The following CEP112 variants were observed in gnomAD, a reference collection of about 807,000 sequenced individuals.
CEP112 encodes the protein centrosomal protein of 112 kDa.
CEP112 carries 127 observed loss-of-function variants against 153.0 expected under a neutral mutation model. The ratio of observed to expected loss-of-function variants is 0.83; its 90% CI spans 0.72 to 0.96. The LOEUF (loss-of-function observed/expected upper bound fraction) is 0.96. CEP112 is among the 40% of genes least tolerant of loss of function. The pLI is 0.00. For missense variants in CEP112, 1,089 were observed against 1,101.2 expected, an observed-to-expected ratio of 0.99 and a Z score of 0.16; for synonymous variants, 358 against 374.4, an observed-to-expected ratio of 0.96 and a Z score of 0.51.
intron 23 of CEP112, among the ~76,000 whole-genome samples, chr17:65,725,203 T>C (rs1020788306): frequency 2.0e-5 from 3 of 152,206 alleles, no homozygotes; most frequent in African/African-American, 7.2e-5. Flanking sequence ...GGTGGGGATA[T>C]GGGGTCCCTA....
At chr17:66,141,792 A>T (rs1165298511) in intron 4 of CEP112, among the ~76,000 whole-genome samples, 1 of 152,218 alleles carries the variant, frequency 6.6e-6, no homozygotes, top group Non-Finnish European at 1.5e-5. Flanking sequence ...GTAGATGAAC[A>T]TATAGGTTGT....
chr17:65,829,632 C>T (rs567801417), intron 21 of CEP112, among the ~76,000 whole-genome samples: 5 of 152,116 alleles, frequency 3.3e-5, no homozygotes, highest in African/African-American at 1.2e-4. Flanking sequence ...ATCAGAAAGG[C>T]TGCTTGGAAT....
intron 8 of CEP112, among the ~76,000 whole-genome samples, chr17:66,090,865 C>T (rs533826017): frequency 3.7e-4 from 56 of 151,898 alleles, no homozygotes; most frequent in African/African-American, 1.1e-3. Flanking sequence ...CTCATGCAAA[C>T]GGAAATGGAA....
At chr17:66,190,135 G>A (rs1427712458) in intron 1 of CEP112, among the ~76,000 whole-genome samples, 8 of 151,818 alleles carry the variant, frequency 5.3e-5, no homozygotes, top group African/African-American at 1.7e-4. Flanking sequence ...TTCGAGACAA[G>A]CCTGGCCAAT....
intron 5 of CEP112, 23 bp downstream of exon 5, chr17:66,132,647 A>G: frequency 1.3e-6 from 2 of 1,560,184 alleles, no homozygotes; most frequent in Non-Finnish European, 1.8e-6. Context: ...CAAAAACCAA[A>G]CAAAAGTAAA....
At chr17:65,819,725 C>A (rs147474996) in intron 21 of CEP112, among the ~76,000 whole-genome samples, 5 of 151,994 alleles carry the variant, frequency 3.3e-5, no homozygotes, top group Non-Finnish European at 7.4e-5. Context: ...TCAATCTAAT[C>A]ATAAACAAAG....
intron 20 of CEP112, among the ~76,000 whole-genome samples, chr17:65,892,397 A>C (rs1183130285): frequency 6.6e-6 from 1 of 152,182 alleles, no homozygotes; most frequent in Non-Finnish European, 1.5e-5. Flanking sequence ...AAACAATGAG[A>C]TCTCAAAAAG....
intron 12 of CEP112, among the ~76,000 whole-genome samples, chr17:66,032,368 A>G (rs1005715534): frequency 7.1e-6 from 1 of 140,262 alleles, no homozygotes; most frequent in Non-Finnish European, 1.6e-5. Context: ...AAAAAAAAAA[A>G]CTCAGAAAAG....
intron 18 of CEP112, among the ~76,000 whole-genome samples, chr17:65,933,862 C>A (rs2061213660): frequency 6.6e-6 from 1 of 152,256 alleles, no homozygotes; most frequent in Non-Finnish European, 1.5e-5. Flanking sequence ...GCTTAAAAAA[C>A]AAAACTTTTA....
intron 8 of CEP112, among the ~76,000 whole-genome samples, chr17:66,094,501 A>G (rs1291738323): frequency 6.6e-6 from 1 of 152,216 alleles, no homozygotes; most frequent in Admixed American, 6.5e-5. Context: ...TACAAAAATC[A>G]ATTTAAAACA....
chr17:65,781,904 T>G (rs2054018569), intron 21 of CEP112, among the ~76,000 whole-genome samples: 1 of 152,190 alleles, frequency 6.6e-6, no homozygotes, highest in South Asian at 2.1e-4. Flanking sequence ...ATAAGAATCC[T>G]AGAAGAAAAC....
intron 4 of CEP112, among the ~76,000 whole-genome samples, chr17:66,169,382 C>T (rs1184943805): frequency 2.0e-5 from 3 of 147,630 alleles, no homozygotes; most frequent in African/African-American, 5.0e-5. Flanking sequence ...CTCCTGGGTT[C>T]AAGCGATTCT....
chr17:65,967,184 G>T (rs1193136886), intron 17 of CEP112, among the ~76,000 whole-genome samples: 1 of 152,154 alleles, frequency 6.6e-6, no homozygotes, highest in Non-Finnish European at 1.5e-5. Context: ...TGCCCACAGG[G>T]TCAAACACCA....
At chr17:65,863,729 G>A in intron 20 of CEP112, among the ~76,000 whole-genome samples, 1 of 136,352 alleles carries the variant, frequency 7.3e-6, no homozygotes. Context: ...CAGCCTGGGT[G>A]ACAGAGCAAG....
chr17:65,819,823 T>C (rs954448742), intron 21 of CEP112, among the ~76,000 whole-genome samples: 9 of 152,110 alleles, frequency 5.9e-5, no homozygotes, highest in South Asian at 2.1e-4. Context: ...GGAGGTGTCA[T>C]AGATTGAAGG....
intron 18 of CEP112, among the ~76,000 whole-genome samples, chr17:65,948,391 C>T (rs1224851514): frequency 7.5e-6 from 1 of 133,326 alleles, no homozygotes; most frequent in Non-Finnish European, 1.6e-5. Flanking sequence ...AGTCAAGTGG[C>T]TAGCGGAAGC....
intron 16 of CEP112, among the ~76,000 whole-genome samples, chr17:66,020,866 C>T (rs1000557689): frequency 3.3e-5 from 5 of 152,100 alleles, no homozygotes; most frequent in African/African-American, 9.7e-5. Context: ...CAACGTGCCT[C>T]ATCTACTTGG....
intron 23 of CEP112, among the ~76,000 whole-genome samples, chr17:65,696,886 A>C (rs1459886015): frequency 6.6e-6 from 1 of 152,156 alleles, no homozygotes; most frequent in Non-Finnish European, 1.5e-5. Context: ...TGAATTTACT[A>C]TCCTACTTTG....
At chr17:66,090,309 G>A (rs576856878) in intron 8 of CEP112, among the ~76,000 whole-genome samples, 1 of 151,954 alleles carries the variant, frequency 6.6e-6, no homozygotes, top group East Asian at 1.9e-4. Flanking sequence ...TAATGTTGTG[G>A]AAATGACTTA....
Sources: gnomAD v4.1 joint callset for allele counts (sites outside exome capture counted in the v4.1 genomes callset) on GRCh38, gnomAD v4.1.1 for gene constraint, MANE v1.5 for transcripts, NCBI Gene and HGNC (gene_info 2026-07-23, HGNC 2026-07-21) for gene names.